GARIN3: variants seen among roughly 807,000 people sequenced by gnomAD.
GARIN3 encodes golgi associated RAB2 interactor family member 3.
chr5:157,162,322 G>A, the GARIN3 span: 4 of 1,401,576 alleles, frequency 2.9e-6, no homozygotes, highest in Non-Finnish European at 2.9e-6. Flanking sequence ...AATTCAAGCA[G>A]GAGATTGTAT....
chr5:157,164,080 AG>A, the GARIN3 span, among the ~76,000 whole-genome samples: 3 of 151,672 alleles, frequency 2.0e-5, no homozygotes, highest in Admixed American at 6.6e-5. Flanking sequence ...AAAGAAAGAA[AG>A]AAAGAAAAAA....
the GARIN3 span, chr5:157,166,028 G>A: frequency 3.1e-5 from 50 of 1,613,948 alleles, no homozygotes; most frequent in Middle Eastern, 3.3e-4. Flanking sequence ...AATTACTCTC[G>A]AACATTGGTG....
At chr5:157,163,723 C>T in the GARIN3 span, 1 of 1,538,232 alleles carries the variant, frequency 6.5e-7, no homozygotes, top group Non-Finnish European at 8.7e-7. Flanking sequence ...GAACTTTCTA[C>T]TCCTCTCTTA....
the GARIN3 span, chr5:157,163,204 T>G: frequency 6.2e-7 from 1 of 1,614,122 alleles, no homozygotes; most frequent in Non-Finnish European, 8.5e-7. Context: ...GGAAGTACCT[T>G]CCAAGGAGGT....
At chr5:157,165,416 A>C in the GARIN3 span, 1 of 1,264,700 alleles carries the variant, frequency 7.9e-7, no homozygotes, top group Non-Finnish European at 1.1e-6. Flanking sequence ...TAAGTCCCCT[A>C]GTAGTGGCTC....
chr5:157,166,081 G>A, the GARIN3 span: 7 of 1,614,136 alleles, frequency 4.3e-6, no homozygotes, highest in Middle Eastern at 1.6e-4. Flanking sequence ...TACAATTGTC[G>A]TTGCAGGTCC....
the GARIN3 span, chr5:157,162,242 G>A: frequency 4.2e-6 from 3 of 718,650 alleles, no homozygotes; most frequent in South Asian, 4.1e-5. Context: ...TGGAGGCTGG[G>A]GTCTCCAGCT....
chr5:157,163,292 C>G, the GARIN3 span: 2 of 1,614,210 alleles, frequency 1.2e-6, no homozygotes, highest in Admixed American at 1.7e-5. Flanking sequence ...TTGCTGGATT[C>G]ATTTTCTCCT....
the GARIN3 span, chr5:157,163,313 T>G: frequency 3.1e-6 from 5 of 1,614,162 alleles, no homozygotes; most frequent in Non-Finnish European, 3.4e-6. Context: ...GGATTTTTGA[T>G]AGCTGCTCCC....
chr5:157,164,324 G>A, the GARIN3 span, among the ~76,000 whole-genome samples: 2 of 151,842 alleles, frequency 1.3e-5, no homozygotes, highest in African/African-American at 2.4e-5. Flanking sequence ...TAATTTTTTT[G>A]TATATTTAGT....
the GARIN3 span, chr5:157,166,102 T>A: frequency 1.2e-6 from 2 of 1,614,104 alleles, no homozygotes; most frequent in African/African-American, 2.7e-5. Context: ...CCCATGGAGG[T>A]TTTGAACGCA....
the GARIN3 span, chr5:157,162,598 C>T: frequency 6.2e-7 from 1 of 1,614,218 alleles, no homozygotes; most frequent in East Asian, 2.2e-5. Flanking sequence ...ATCTACCTCT[C>T]TGTCATGTGA....
chr5:157,164,212 C>T, the GARIN3 span, among the ~76,000 whole-genome samples: 7 of 146,304 alleles, frequency 4.8e-5, no homozygotes, highest in African/African-American at 1.0e-4. Context: ...TGCAGTGGCA[C>T]GATCTTGGCT....
chr5:157,164,883 G>A, the GARIN3 span, among the ~76,000 whole-genome samples: 1 of 152,128 alleles, frequency 6.6e-6, no homozygotes, highest in African/African-American at 2.4e-5. Flanking sequence ...AGTTGGACGT[G>A]GTGGCAGGTG....
chr5:157,165,904 G>C, the GARIN3 span: 2 of 1,614,206 alleles, frequency 1.2e-6, no homozygotes, highest in Non-Finnish European at 1.7e-6. Flanking sequence ...GGTTGGGCCA[G>C]AACCATGACG....
the GARIN3 span, chr5:157,165,697 A>C: frequency 6.2e-7 from 1 of 1,614,208 alleles, no homozygotes; most frequent in Non-Finnish European, 8.5e-7. Context: ...CGTGTGTCAG[A>C]AGAGGGACAC....
chr5:157,164,848 T>TA, the GARIN3 span, among the ~76,000 whole-genome samples: 28,174 of 145,576 alleles, frequency 0.19, 3,550 homozygotes, highest in African/African-American at 0.37. Flanking sequence ...TCATCTCCAC[T>TA]AAAAAAAAAA....
chr5:157,164,881 G>T, the GARIN3 span, among the ~76,000 whole-genome samples: 1 of 152,160 alleles, frequency 6.6e-6, no homozygotes, highest in Admixed American at 6.5e-5. Flanking sequence ...TTAGTTGGAC[G>T]TGGTGGCAGG....
chr5:157,162,304 G>A, the GARIN3 span: 1 of 1,285,458 alleles, frequency 7.8e-7, no homozygotes, highest in Middle Eastern at 2.8e-4. Context: ...CCAGGCTATG[G>A]GCAGAAAAAT....
Sources: gnomAD v4.1 joint callset for allele counts (sites outside exome capture counted in the v4.1 genomes callset) on GRCh38, gnomAD v4.1.1 for gene constraint, MANE v1.5 for transcripts, NCBI Gene and HGNC (gene_info 2026-07-23, HGNC 2026-07-21) for gene names.